The following MTA1 variants were observed in gnomAD, a reference collection of about 807,000 sequenced individuals.
MTA1 encodes metastasis associated 1, also known as metastasis-associated protein MTA1.
A neutral mutation model predicts 97.0 loss-of-function variants in MTA1; 15 were observed. The observed-to-expected ratio is 0.15, with a 90% confidence interval of 0.10 to 0.24. The LOEUF is 0.24. MTA1 is among the 10% of genes least tolerant of loss of function. MTA1 has a pLI of 1.00. For synonymous variants in MTA1, 435 were observed against 417.5 expected (o/e 1.04, Z -0.51); for missense variants, 709 against 1,015.1 (o/e 0.70, Z 4.10).
At chr14:105,469,572 G>C in intron 19 of MTA1, 74 bp downstream of exon 19, 1 of 1,535,278 alleles carries the variant, frequency 6.5e-7, no homozygotes, top group Non-Finnish European at 9.0e-7. Context: ...AAGAGGCCTG[G>C]CCAGCCCTGC....
At chr14:105,449,115 C>T (rs1283836759) in intron 3 of MTA1, 1 of 495,958 alleles carries the variant, frequency 2.0e-6, no homozygotes, top group Non-Finnish European at 3.6e-6. Context: ...GGGCCCTCCA[C>T]AGCCAGGCTT....
chr14:105,464,708 G>A lies in MTA1; in HGVS notation c.1379G>A (p.Ser460Asn). The A allele has an allele frequency of 3.1e-6, 5 of 1,606,804 alleles. No individual in the cohort carries two copies. Among genetic ancestry groups the A allele is most frequent in the Non-Finnish European group, 4.3e-6 (5 of 1,175,514 alleles). The change falls in exon 15 of 21, where the codon AGC (serine) becomes AAC (asparagine). Residue 460 changes from serine to asparagine, a missense_variant. Ser to Asn is a conservative substitution (Grantham distance 46, BLOSUM62 1). Coordinates refer to ENST00000331320, the MANE Select transcript of MTA1 (RefSeq NM_004689.4). ...PHGLPARSSG[S>N]PKFAMKTRQA... ...GGCCTCCCAGCCCGGAGCAGCGGGA[G>A]CCCCAAGTTTGCCATGAAGACCAGG...
intron 18 of MTA1, chr14:105,468,225 T>A (rs775789339): frequency 3.2e-4 from 358 of 1,134,140 alleles, no homozygotes; most frequent in Non-Finnish European, 3.2e-4. Context: ...ACCCGGCCAT[T>A]TGCCCGTGCA....
In MTA1 at chr14:105,445,595, A is replaced by G. The variant is rs587721058; in HGVS notation, c.190+84A>G. 8.5e-5 allele frequency: 120 copies of G among 1,418,216 alleles called. 1 individual carries two copies. The highest frequency in any genetic ancestry group is 7.6e-4 in the East Asian group (32 of 41,854). The allele number at this position is 1,418,216 out of a possible 1,614,324, so 87.9% of individuals were successfully genotyped here. A position where few individuals can be genotyped will look rare whatever the true frequency, so the allele number is the denominator to read the frequency against. Reference sequence around the variant, plus strand: ...GCGGGGTCCTTCTTCCCTAGGGCCCATCGGCATCCTGGCCTCGTGGGGCCA... The same window carrying G: ...GCGGGGTCCTTCTTCCCTAGGGCCCGTCGGCATCCTGGCCTCGTGGGGCCA... On this transcript the variant is annotated intron_variant, in intron 3 of 20. Coordinates refer to ENST00000331320, the MANE Select transcript of MTA1 (RefSeq NM_004689.4).
In MTA1 at chr14:105,463,287, GGTGTGCCGCC is replaced by G; in HGVS notation, c.1017+30_1017+39del. On this transcript the variant is annotated intron_variant, in intron 11 of 20. Coordinates refer to ENST00000331320, the MANE Select transcript of MTA1 (RefSeq NM_004689.4). The surrounding 1 kb of genome is among the most constrained non-coding windows in gnomAD (Gnocchi z 5.9). ...AGCCCGCCCGCCACTCAGTGCCCGG[GGTGTGCCGCC>G]TCCCCGTCCTGCGCCCCATCCTCTC... is the stretch of plus-strand genomic sequence containing the variant. 1 of 1,610,062 alleles carries G rather than the reference GGTGTGCCGCC, an allele frequency of 6.2e-7. No individual in the cohort carries two copies. The highest frequency in any genetic ancestry group is 1.7e-5 in the Admixed American group (1 of 59,988).
At chr14:105,454,341 TCTGTC>T (rs782002307) in intron 7 of MTA1, 31 bp downstream of exon 7, 42 of 1,500,412 alleles carry the variant, frequency 2.8e-5, no homozygotes, top group Admixed American at 3.4e-5. Flanking sequence ...CATGGAGCCC[TCTGTC>T]CTGTCCTGTC....
intron 2 of MTA1, among the ~76,000 whole-genome samples, chr14:105,442,247 T>C (rs998109980): frequency 2.0e-5 from 3 of 152,210 alleles, no homozygotes; most frequent in Non-Finnish European, 4.4e-5. Context: ...CGTTCAGGTG[T>C]GGAGGCTCCA....
chr14:105,424,616 C>T lies in MTA1; in HGVS notation c.28+4553C>T, dbSNP rs920033365. The stretch of plus-strand genomic sequence containing the variant: ...GTTCTAGTGATTTGCCTGCCTCAGC[C>T]CCCTGAGTAGCTGGGATTACAGGTG... On this transcript the variant is annotated intron_variant, in intron 1 of 20. Coordinates refer to ENST00000331320, the MANE Select transcript of MTA1 (RefSeq NM_004689.4). This position sits in a 1 kb window ranked among gnomAD's most constrained non-coding sequence, Gnocchi z 4.0. Among the ~76,000 whole-genome samples the T allele has an allele frequency of 6.6e-6, 1 of 152,090 alleles. No individual in the cohort carries two copies. Among genetic ancestry groups the T allele is most frequent in the Non-Finnish European group, 1.5e-5 (1 of 68,010 alleles).
rs140974915 is a variant in MTA1 at position 105,436,949 on chromosome 14, C to T, written c.29-1723C>T. Among the ~76,000 whole-genome samples, 320 of 152,348 alleles carry T rather than the reference C, an allele frequency of 2.1e-3. 4 individuals carry two copies. Among genetic ancestry groups the T allele is most frequent in the African/African-American group, 6.9e-3 (286 of 41,574 alleles). On this transcript the variant is annotated intron_variant, in intron 1 of 20. Transcript: ENST00000331320. ...CCTGCATTCAGAACACTCCTGTAGC[C>T]GTGACACAGACCCACAGGCCCCCTG...
intron 6 of MTA1, among the ~76,000 whole-genome samples, chr14:105,453,760 G>A (rs1253802284): frequency 1.3e-5 from 2 of 152,282 alleles, no homozygotes; most frequent in East Asian, 1.9e-4. Flanking sequence ...GCAGTGAGCC[G>A]AGATCACGCC....
At position 105,422,593 on chromosome 14, in the gene MTA1, G is replaced by A. The variant is rs782683527; in HGVS notation, c.28+2530G>A. On this transcript the variant is annotated intron_variant, in intron 1 of 20. Coordinates refer to ENST00000331320, the MANE Select transcript of MTA1 (RefSeq NM_004689.4). This position sits in a 1 kb window ranked among gnomAD's most constrained non-coding sequence, Gnocchi z 4.3. ...GACGCCCAGGCAAATTTGAGTTTCA[G>A]ATAAACAGAAATTTATTAGTGTAAG... Among the ~76,000 whole-genome samples, 2 of 152,208 alleles carry A rather than the reference G, an allele frequency of 1.3e-5. No homozygotes were observed. The highest frequency in any genetic ancestry group is 2.9e-5 in the Non-Finnish European group (2 of 68,034).
intron 18 of MTA1, chr14:105,467,683 A>T (rs888718961): frequency 2.8e-6 from 1 of 358,758 alleles, no homozygotes; most frequent in Non-Finnish European, 5.6e-6. Flanking sequence ...TTCCTGGGGC[A>T]CCCTCCCAGC....
At chr14:105,440,373 G>A (rs1386975520) in intron 2 of MTA1, among the ~76,000 whole-genome samples, 4 of 152,262 alleles carry the variant, frequency 2.6e-5, no homozygotes, top group African/African-American at 7.2e-5. Flanking sequence ...GTGGAGGGGC[G>A]GCCGGCAGAT....
intron 2 of MTA1, among the ~76,000 whole-genome samples, chr14:105,442,332 C>T (rs1437077550): frequency 1.3e-5 from 2 of 152,204 alleles, no homozygotes; most frequent in Non-Finnish European, 2.9e-5. Flanking sequence ...TGCACTCCTC[C>T]GCGCCTTTCC....
In MTA1 at chr14:105,439,175, A is replaced by G. The variant is rs10150440; in HGVS notation, c.96+436A>G. Among the ~76,000 whole-genome samples the G allele has an allele frequency of 4.3e-3, 177 of 40,774 alleles. 2 individuals are homozygous for G. Among genetic ancestry groups the G allele is most frequent in the African/African-American group, 8.5e-3 (88 of 10,316 alleles). 26.7% of individuals were successfully genotyped at this position (40,774 alleles called of 152,430 possible). A position where few individuals can be genotyped will look rare whatever the true frequency, so the allele number is the denominator to read the frequency against. On this transcript the variant is annotated intron_variant, in intron 2 of 20. Coordinates refer to ENST00000331320, the MANE Select transcript of MTA1 (RefSeq NM_004689.4). ...CTGCCCCCACCCCTGAGGTGTCTGC[A>G]TGGCTGGAAGCACCCTCCCTGGTCA...
At chr14:105,450,939 G>C (rs1156651251) in intron 6 of MTA1, among the ~76,000 whole-genome samples, 1 of 152,210 alleles carries the variant, frequency 6.6e-6, no homozygotes, top group Admixed American at 6.5e-5. Flanking sequence ...GAGGCCACGT[G>C]GGGGCAAAAG....
At chr14:105,438,100 G>A (rs781995758) in intron 1 of MTA1, among the ~76,000 whole-genome samples, 3 of 152,210 alleles carry the variant, frequency 2.0e-5, no homozygotes, top group Non-Finnish European at 4.4e-5. Flanking sequence ...GAGCAACTCT[G>A]TCCTGTTTTT....
chr14:105,421,955 G>A (rs1336468679), intron 1 of MTA1, among the ~76,000 whole-genome samples: 2 of 152,230 alleles, frequency 1.3e-5, no homozygotes, highest in African/African-American at 4.8e-5. Flanking sequence ...TGGCGGAGGG[G>A]CCCCACCATG....
In MTA1 at chr14:105,422,081, C is replaced by T. The variant is rs113583743; in HGVS notation, c.28+2018C>T. Reference sequence around the variant, plus strand: ...CCAGACTGCTTCTGCGTGTGCAGTCCGTGGTCACTGTGGCCGGGTGTGCTC... The same window carrying T: ...CCAGACTGCTTCTGCGTGTGCAGTCTGTGGTCACTGTGGCCGGGTGTGCTC... On this transcript the variant is annotated intron_variant, in intron 1 of 20. Coordinates refer to ENST00000331320, the MANE Select transcript of MTA1 (RefSeq NM_004689.4). The surrounding 1 kb of genome is among the most constrained non-coding windows in gnomAD (Gnocchi z 4.3). Among the ~76,000 whole-genome samples the T allele has an allele frequency of 5.0e-4, 76 of 152,324 alleles. No homozygotes were observed. Among genetic ancestry groups the T allele is most frequent in the African/African-American group, 1.7e-3 (70 of 41,582 alleles).
Sources: gnomAD v4.1 joint callset for allele counts (sites outside exome capture counted in the v4.1 genomes callset) on GRCh38, gnomAD v4.1.1 for gene constraint, Gnocchi (gnomAD v3.1) non-coding constraint, MANE v1.5 for transcripts, NCBI Gene and HGNC (gene_info 2026-07-23, HGNC 2026-07-21) for gene names.